Variants in MYO9B observed in about 807,000 individuals in gnomAD.
MYO9B encodes myosin IXB.
MYO9B carries 71 observed loss-of-function variants against 229.5 expected under a neutral mutation model. The observed-to-expected ratio is 0.31, with a 90% confidence interval of 0.26 to 0.38. MYO9B has a LOEUF of 0.38. Among genes scored for constraint, MYO9B ranks in the 10% least tolerant of loss-of-function variants. MYO9B has a pLI of 1.00. For synonymous variants in MYO9B, 1,185 were observed against 1,235.8 expected (o/e 0.96, Z 0.86); for missense variants, 2,255 against 2,920.5 (o/e 0.77, Z 5.25).
At chr19:17,159,215 C>A (rs942159581) in intron 7 of MYO9B, among the ~76,000 whole-genome samples, 180 bp from the exon 8 acceptor site, 6 of 122,698 alleles carry the variant, frequency 4.9e-5, no homozygotes, top group African/African-American at 1.2e-4. Flanking sequence ...CAAACAAAAA[C>A]CAAAAAACCA....
At chr19:17,121,940 C>T (rs546335460) in intron 2 of MYO9B, among the ~76,000 whole-genome samples, 33 of 151,546 alleles carry the variant, frequency 2.2e-4, no homozygotes, top group African/African-American at 7.3e-4. Flanking sequence ...GAGCCAGGAT[C>T]GTGCCACTGC....
intron 20 of MYO9B, 87 bp from the exon 21 acceptor site, chr19:17,192,659 C>T (rs1052336071): frequency 1.7e-6 from 2 of 1,180,112 alleles, no homozygotes; most frequent in Non-Finnish European, 1.1e-6. Flanking sequence ...CTAGGTCTCA[C>T]TCTGGAGTGG....
rs550918354 is a variant in MYO9B at position 17,174,863 on chromosome 19, G to A, written c.2141-800G>A. On this transcript the variant is annotated intron_variant, in intron 13 of 39. Transcript: ENST00000682292. ...GCAGGAGAATCACTTAAACCGGGGA[G>A]GCAGAGGTTGCAGTGAGCCAAGATC... 1.9e-3 allele frequency among the ~76,000 whole-genome samples: 295 copies of A among 151,968 alleles called. 1 individual carries two copies. The highest frequency in any genetic ancestry group is 3.7e-3 in the Non-Finnish European group (252 of 67,992).
chr19:17,117,600 A>G (rs2057917327), intron 2 of MYO9B, among the ~76,000 whole-genome samples: 1 of 152,094 alleles, frequency 6.6e-6, no homozygotes, highest in Admixed American at 6.6e-5. Context: ...TCACCTCTTT[A>G]AGGGAGAGTG....
chr19:17,140,647 C>G (rs1345597210), intron 2 of MYO9B, among the ~76,000 whole-genome samples: 1 of 151,882 alleles, frequency 6.6e-6, no homozygotes, highest in Non-Finnish European at 1.5e-5. Flanking sequence ...TACCACCATG[C>G]CCGGCTAATT....
At position 17,172,555 on chromosome 19, in the gene MYO9B, T is replaced by C. The variant is rs989175021; in HGVS notation, c.1935+78T>C. ...CCCAGAAGCCCATGTGGGAGGATCC[T>C]CCTGTGGGCGAGGTTCCAGGGTGCT... is the stretch of plus-strand genomic sequence containing the variant. On this transcript the variant is annotated intron_variant, in intron 12 of 39. Transcript: ENST00000682292. The surrounding 1 kb of genome is among the most constrained non-coding windows in gnomAD (Gnocchi z 8.2). 5.1e-6 allele frequency: 8 copies of C among 1,568,094 alleles called. No individual in the cohort carries two copies. Among genetic ancestry groups the C allele is most frequent in the Non-Finnish European group, 6.9e-6 (8 of 1,155,676 alleles).
At chr19:17,185,883 C>T in intron 17 of MYO9B, 38 bp from the exon 18 acceptor site, 1 of 1,563,856 alleles carries the variant, frequency 6.4e-7, no homozygotes, top group Non-Finnish European at 8.8e-7. Flanking sequence ...TGTCAGGGTC[C>T]CTGATTCAAC....
At chr19:17,133,369 A>C (rs2072227007) in intron 2 of MYO9B, among the ~76,000 whole-genome samples, 1 of 152,156 alleles carries the variant, frequency 6.6e-6, no homozygotes. Context: ...GATCGCTTGA[A>C]TTTATTCCTC....
At chr19:17,150,977 C>T (rs1019793142) in intron 3 of MYO9B, among the ~76,000 whole-genome samples, 3 of 109,608 alleles carry the variant, frequency 2.7e-5, no homozygotes, top group African/African-American at 8.1e-5. Flanking sequence ...AACTGCTTGG[C>T]ACAGAGAAAA....
At chr19:17,152,848 GC>G in intron 4 of MYO9B, 142 bp downstream of exon 4, 1 of 685,874 alleles carries the variant, frequency 1.5e-6, no homozygotes, top group Non-Finnish European at 2.4e-6. Flanking sequence ...AGCAGGGCCT[GC>G]CCATCCATCT....
chr19:17,117,703 C>T (rs573299882), intron 2 of MYO9B, among the ~76,000 whole-genome samples: 2 of 151,984 alleles, frequency 1.3e-5, no homozygotes, highest in East Asian at 1.9e-4. Context: ...TTTTAGAGGC[C>T]GAGGCAGGCT....
At position 17,212,335 on chromosome 19, in the gene MYO9B, T is replaced by A; in HGVS notation, c.*25T>A. 2 of 1,455,774 alleles carry A rather than the reference T, an allele frequency of 1.4e-6. No homozygotes were observed. The highest frequency in any genetic ancestry group is 1.8e-6 in the Non-Finnish European group (2 of 1,111,098). 90.2% of individuals were successfully genotyped at this position (1,455,774 alleles called of 1,614,324 possible). A position where few individuals can be genotyped will look rare whatever the true frequency, so the allele number is the denominator to read the frequency against. On this transcript the variant is annotated 3_prime_UTR_variant, in exon 40 of 40. Coordinates refer to ENST00000682292, the MANE Select transcript of MYO9B (RefSeq NM_004145.4). This position sits in a 1 kb window ranked among gnomAD's most constrained non-coding sequence, Gnocchi z 5.4. ...AGAGCCACAGCTGACAAAGTCTGCATGTCCGAGGACGGCCCCTGCACTGGA... is the reference window on the plus strand; with the variant it reads ...AGAGCCACAGCTGACAAAGTCTGCAAGTCCGAGGACGGCCCCTGCACTGGA...
chr19:17,161,950 T>C (rs10420707), intron 8 of MYO9B, among the ~76,000 whole-genome samples: 41,016 of 147,282 alleles, frequency 0.28, 6,209 homozygotes, highest in East Asian at 0.4. Flanking sequence ...ATTGCGCTAG[T>C]GCACTTCAGC....
intron 3 of MYO9B, among the ~76,000 whole-genome samples, chr19:17,147,672 ATTTTTTTT>A (rs1027030377): frequency 2.5e-5 from 2 of 81,202 alleles, no homozygotes; most frequent in Non-Finnish European, 2.2e-5. Flanking sequence ...ACTATGTTTA[ATTTTTTTT>A]TTTTTTTTTT....
At chr19:17,159,679 G>C (rs901301596) in intron 8 of MYO9B, among the ~76,000 whole-genome samples, 195 bp downstream of exon 8, 2 of 152,250 alleles carry the variant, frequency 1.3e-5, no homozygotes, top group Non-Finnish European at 2.9e-5. Flanking sequence ...CCTCAGGCCA[G>C]AACTTGAGCC....
intron 36 of MYO9B, 56 bp downstream of exon 36, chr19:17,209,765 T>A (rs542827080): frequency 9.8e-6 from 14 of 1,427,238 alleles, no homozygotes; most frequent in Non-Finnish European, 1.3e-5. Flanking sequence ...AGCCTGGTGC[T>A]GGGCAGGGCC....
chr19:17,201,862 A>C (rs1346885706), intron 26 of MYO9B, 64 bp from the exon 27 acceptor site: 2 of 1,251,810 alleles, frequency 1.6e-6, no homozygotes, highest in East Asian at 2.4e-5. Flanking sequence ...CCCCTTGGGC[A>C]CCTCCTCGGG....
At chr19:17,200,964 G>T in intron 26 of MYO9B, 135 bp downstream of exon 26, 4 of 1,040,480 alleles carry the variant, frequency 3.8e-6, no homozygotes, top group Non-Finnish European at 5.6e-6. Context: ...TCAGGCCGGG[G>T]ACAGTGGTTC....
intron 11 of MYO9B, among the ~76,000 whole-genome samples, chr19:17,170,134 C>T (rs2072706866): frequency 6.6e-6 from 1 of 151,986 alleles, no homozygotes; most frequent in Non-Finnish European, 1.5e-5. Context: ...TGGGCTCAAG[C>T]AGTCCTCTCA....
Sources: allele counts gnomAD v4.1 joint callset (sites outside exome capture counted in the v4.1 genomes callset), GRCh38; gene constraint gnomAD v4.1.1; non-coding constraint Gnocchi (gnomAD v3.1); transcripts MANE v1.5; gene names NCBI Gene and HGNC (gene_info 2026-07-23, HGNC 2026-07-21).